Variants in DLC1 observed in about 807,000 individuals in gnomAD.
DLC1 encodes rho GTPase-activating protein 7.
DLC1 carries 54 observed loss-of-function variants against 140.3 expected under a neutral mutation model. The ratio of observed to expected loss-of-function variants is 0.38; its 90% CI spans 0.31 to 0.48. DLC1 has a LOEUF of 0.48. DLC1 is among the 20% of genes least tolerant of loss of function. DLC1 has a pLI of 0.96. For missense variants in DLC1, 2,536 were observed against 1,907.0 expected (o/e 1.33, Z -6.14); for synonymous variants, 986 against 728.1 (o/e 1.35, Z -5.70).
intron 5 of DLC1, among the ~76,000 whole-genome samples, chr8:13,125,352 C>A (rs1249217116): frequency 6.6e-6 from 1 of 152,222 alleles, no homozygotes; most frequent in Non-Finnish European, 1.5e-5. Context: ...AACACAAAAC[C>A]AATGACGTTT....
At chr8:13,203,986 C>T (rs147475572) in intron 5 of DLC1, among the ~76,000 whole-genome samples, 235 of 152,182 alleles carry the variant, frequency 1.5e-3, no homozygotes, top group Middle Eastern at 6.8e-3. Context: ...GCATTAGTAA[C>T]TTCTTGGGTC....
intron 1 of DLC1, among the ~76,000 whole-genome samples, chr8:13,552,119 A>G (rs1402125857): frequency 1.6e-5 from 2 of 124,252 alleles, no homozygotes; most frequent in African/African-American, 5.9e-5. Context: ...GTGTATATAT[A>G]TATATATATA....
In DLC1 at chr8:13,496,132, C is replaced by G. The variant is rs28375298; in HGVS notation, c.1023+2917G>C. Among the ~76,000 whole-genome samples, 831 of 152,242 alleles carry G rather than the reference C, an allele frequency of 5.5e-3. 10 individuals carry two copies. Among genetic ancestry groups the G allele is most frequent in the African/African-American group, 0.019 (781 of 41,550 alleles). On this transcript the variant is annotated intron_variant, in intron 2 of 17. Transcript: ENST00000276297. ...ACTTGACCATTTGCCACTGCATTCC[C>G]TACAGACATGAAAATGTGGCACATG...
chr8:13,325,298 A>T (rs1833292189), intron 4 of DLC1, among the ~76,000 whole-genome samples: 1 of 152,202 alleles, frequency 6.6e-6, no homozygotes, highest in South Asian at 2.1e-4. Context: ...CAGTCCCTTG[A>T]GGAAACTGTT....
At chr8:13,151,085 G>C (rs576493873) in intron 5 of DLC1, among the ~76,000 whole-genome samples, 40 of 152,322 alleles carry the variant, frequency 2.6e-4, no homozygotes, top group African/African-American at 9.1e-4. Context: ...ATCTGGGGAA[G>C]TTGAATTACA....
intron 4 of DLC1, among the ~76,000 whole-genome samples, chr8:13,312,003 G>A (rs1186515447): frequency 6.6e-6 from 1 of 152,044 alleles, no homozygotes; most frequent in East Asian, 1.9e-4. Flanking sequence ...CTCTGGTTGA[G>A]GCCACTTTCA....
intron 1 of DLC1, among the ~76,000 whole-genome samples, chr8:13,538,288 A>G (rs754817683): frequency 4.6e-5 from 7 of 152,000 alleles, no homozygotes; most frequent in Non-Finnish European, 4.4e-5. Context: ...GGAGAATCCA[A>G]TGTTTATAAA....
chr8:13,496,335 TCA>T (rs1202069877), intron 2 of DLC1, among the ~76,000 whole-genome samples: 2 of 152,188 alleles, frequency 1.3e-5, no homozygotes, highest in African/African-American at 4.8e-5. Flanking sequence ...AGAAAATGCC[TCA>T]GCTTATATAC....
At chr8:13,555,753 T>G (rs1804021612) in intron 1 of DLC1, among the ~76,000 whole-genome samples, 1 of 151,978 alleles carries the variant, frequency 6.6e-6, no homozygotes, top group Admixed American at 6.6e-5. Context: ...CCTCTCCGCT[T>G]GGCCTCCCAA....
intron 2 of DLC1, among the ~76,000 whole-genome samples, chr8:13,451,037 C>CA (rs1169620786): frequency 0.048 from 872 of 18,344 alleles, 292 homozygotes; most frequent in Non-Finnish European, 0.07. Flanking sequence ...GACTCCGTCT[C>CA]AAAAAAAAAA....
intron 5 of DLC1, among the ~76,000 whole-genome samples, chr8:13,278,394 G>A (rs1417080951): frequency 1.3e-5 from 2 of 152,188 alleles, no homozygotes; most frequent in East Asian, 1.9e-4. Context: ...CAGAGGAATG[G>A]CATGAAGTAC....
At chr8:13,383,293 T>C (rs1253626972) in intron 4 of DLC1, among the ~76,000 whole-genome samples, 1 of 152,204 alleles carries the variant, frequency 6.6e-6, no homozygotes, top group East Asian at 1.9e-4. Context: ...GTTTCCTCCT[T>C]TTATTGAATG....
At position 13,099,409 on chromosome 8, in the gene DLC1, C is replaced by G. The variant is rs1363561721; in HGVS notation, c.2928G>C (p.Glu976Asp). ...STGNSLNEPEEPSEIPERRDS... is the reference protein window; with the variant it reads ...STGNSLNEPEDPSEIPERRDS... ...CCCTTCTTTCCGGGATCTCGGAGGGCTCTTCCGGTTCATTCAGGGAGTTGC... is the reference window on the plus strand; with the variant it reads ...CCCTTCTTTCCGGGATCTCGGAGGGGTCTTCCGGTTCATTCAGGGAGTTGC... Residue 976 changes from glutamate to aspartate, a missense_variant, in exon 9 of 18, where the codon GAG (glutamate) becomes GAC (aspartate). Glu to Asp is a conservative substitution (Grantham distance 45). Transcript: ENST00000276297. 3 of 1,614,122 alleles carry G rather than the reference C, an allele frequency of 1.9e-6. No individual in the cohort carries two copies. The highest frequency in any genetic ancestry group is 2.5e-6 in the Non-Finnish European group (3 of 1,180,022).
chr8:13,374,802 C>T (rs1033657733), intron 4 of DLC1, among the ~76,000 whole-genome samples: 2 of 152,114 alleles, frequency 1.3e-5, no homozygotes, highest in African/African-American at 2.4e-5. Context: ...GCCATTTTCA[C>T]GATATTGATT....
At chr8:13,429,601 A>C (rs1309587290) in intron 2 of DLC1, among the ~76,000 whole-genome samples, 1 of 152,188 alleles carries the variant, frequency 6.6e-6, no homozygotes. Flanking sequence ...CAAAAAAGGG[A>C]AAGTTTTATC....
intron 4 of DLC1, among the ~76,000 whole-genome samples, chr8:13,364,197 A>G (rs571333687): frequency 5.2e-4 from 79 of 152,316 alleles, no homozygotes; most frequent in Non-Finnish European, 1.0e-3. Flanking sequence ...AACTCTACAT[A>G]GAATGTCAGC....
chr8:13,425,478 C>CTTCAAGA (rs1469850001), intron 2 of DLC1, among the ~76,000 whole-genome samples: 1 of 152,142 alleles, frequency 6.6e-6, no homozygotes, highest in Non-Finnish European at 1.5e-5. Context: ...ATCTTCAAGA[C>CTTCAAGA]TAATATATGG....
chr8:13,568,038 T>G, intron 1 of DLC1: 1 of 1,354,560 alleles, frequency 7.4e-7, no homozygotes, highest in African/African-American at 1.5e-5. Context: ...TTTACTATGC[T>G]TCCTTCACAG....
At chr8:13,225,616 A>ATTTT (rs869199348) in intron 5 of DLC1, among the ~76,000 whole-genome samples, 2 of 139,576 alleles carry the variant, frequency 1.4e-5, no homozygotes, top group Admixed American at 7.2e-5. Flanking sequence ...TATTTATTTA[A>ATTTT]TTTTTTTTTT....
Sources: allele counts gnomAD v4.1 joint callset (sites outside exome capture counted in the v4.1 genomes callset), GRCh38; gene constraint gnomAD v4.1.1; transcripts MANE v1.5; gene names NCBI Gene and HGNC (gene_info 2026-07-23, HGNC 2026-07-21).